The following GARIN3 variants were observed in gnomAD, a reference collection of about 807,000 sequenced individuals.
GARIN3 encodes the protein Golgi-associated RAB2 interactor protein 3.
the GARIN3 span, among the ~76,000 whole-genome samples, chr5:157,164,987 C>A: frequency 6.6e-6 from 1 of 151,964 alleles, no homozygotes; most frequent in Non-Finnish European, 1.5e-5. Flanking sequence ...CCATTGCACT[C>A]CAGCCTGGGA....
At chr5:157,164,826 G>C in the GARIN3 span, among the ~76,000 whole-genome samples, 1 of 151,256 alleles carries the variant, frequency 6.6e-6, no homozygotes, top group Non-Finnish European at 1.5e-5. Context: ...TTTAGTGGAT[G>C]ATAGTGAAAC....
chr5:157,166,081 G>T, the GARIN3 span: 3 of 1,614,136 alleles, frequency 1.9e-6, no homozygotes, highest in African/African-American at 1.3e-5. Context: ...TACAATTGTC[G>T]TTGCAGGTCC....
At chr5:157,163,069 A>T in the GARIN3 span, 1 of 1,614,154 alleles carries the variant, frequency 6.2e-7, no homozygotes, top group East Asian at 2.2e-5. Flanking sequence ...CAAGGTGGAG[A>T]TGAGGGGTCC....
At chr5:157,163,087 G>A in the GARIN3 span, 1 of 1,614,208 alleles carries the variant, frequency 6.2e-7, no homozygotes. Context: ...TCCCACTGCT[G>A]GTCCTTCAGT....
the GARIN3 span, chr5:157,163,201 C>A: frequency 1.9e-6 from 3 of 1,614,124 alleles, no homozygotes; most frequent in South Asian, 1.1e-5. Context: ...GGTGGAAGTA[C>A]CTTCCAAGGA....
the GARIN3 span, chr5:157,165,564 A>T: frequency 1.9e-6 from 3 of 1,607,646 alleles, no homozygotes; most frequent in Non-Finnish European, 1.7e-6. Flanking sequence ...GAGGCTTACC[A>T]CTAGGCTTTT....
chr5:157,165,709 A>G, the GARIN3 span: 2 of 1,614,206 alleles, frequency 1.2e-6, no homozygotes, highest in South Asian at 2.2e-5. Context: ...GAGGGACACA[A>G]CTGCAGATAA....
the GARIN3 span, chr5:157,163,221 A>G: frequency 6.8e-6 from 11 of 1,613,894 alleles, no homozygotes; most frequent in South Asian, 1.1e-5. Context: ...AGGTGCTTGC[A>G]GCACCCACCA....
the GARIN3 span, chr5:157,163,412 C>A: frequency 6.2e-7 from 1 of 1,614,186 alleles, no homozygotes; most frequent in South Asian, 1.1e-5. Context: ...GCTGCCCCTG[C>A]TATTGCCACA....
At chr5:157,164,448 G>A in the GARIN3 span, among the ~76,000 whole-genome samples, 3 of 152,114 alleles carry the variant, frequency 2.0e-5, no homozygotes, top group African/African-American at 4.8e-5. Context: ...CACCGCACCC[G>A]GCCTAAGCCT....
the GARIN3 span, chr5:157,162,231 C>T: frequency 1.5e-6 from 1 of 668,720 alleles, no homozygotes; most frequent in Non-Finnish European, 2.4e-6. Context: ...CTCTACTTGC[C>T]TGGAGGCTGG....
chr5:157,162,658 G>A, the GARIN3 span: 24 of 1,614,046 alleles, frequency 1.5e-5, no homozygotes, highest in Non-Finnish European at 1.7e-5. Context: ...CCTTAAAAAA[G>A]AGCTGATCTT....
the GARIN3 span, chr5:157,163,447 C>G: frequency 6.2e-7 from 1 of 1,614,222 alleles, no homozygotes; most frequent in Non-Finnish European, 8.5e-7. Context: ...TGTTGCTGTT[C>G]CTGCCACTGC....
chr5:157,164,275 G>T, the GARIN3 span, among the ~76,000 whole-genome samples: 1 of 150,356 alleles, frequency 6.7e-6, no homozygotes, highest in African/African-American at 2.4e-5. Flanking sequence ...TTAGCCTCTT[G>T]AATAGCTGGG....
At chr5:157,162,873 C>G in the GARIN3 span, 1 of 1,614,144 alleles carries the variant, frequency 6.2e-7, no homozygotes, top group South Asian at 1.1e-5. Flanking sequence ...GGTGGGAAGA[C>G]GCTTTCTGAT....
chr5:157,163,638 T>G, the GARIN3 span: 6 of 1,613,758 alleles, frequency 3.7e-6, no homozygotes, highest in Non-Finnish European at 3.4e-6. Context: ...TCTGATCCCC[T>G]TCTCTGTGGA....
chr5:157,163,009 T>C, the GARIN3 span: 3 of 1,614,254 alleles, frequency 1.9e-6, no homozygotes, highest in Non-Finnish European at 2.5e-6. Context: ...AGCACTGGGC[T>C]GGGAAACTTT....
At chr5:157,163,484 C>T in the GARIN3 span, 47 of 1,614,100 alleles carry the variant, frequency 2.9e-5, no homozygotes, top group Non-Finnish European at 3.8e-5. Context: ...CTTGCTGCTC[C>T]TCCTTCAGCA....
chr5:157,163,741 G>C, the GARIN3 span: 1 of 1,499,038 alleles, frequency 6.7e-7, no homozygotes, highest in Non-Finnish European at 8.9e-7. Context: ...TTATCCTGGA[G>C]TTAATTCAAG....
Sources: gnomAD v4.1 joint callset for allele counts (sites outside exome capture counted in the v4.1 genomes callset) on GRCh38, gnomAD v4.1.1 for gene constraint, MANE v1.5 for transcripts, NCBI Gene and HGNC (gene_info 2026-07-23, HGNC 2026-07-21) for gene names.